Variants in PDE1A observed in about 807,000 individuals in gnomAD.
The protein encoded by PDE1A is phosphodiesterase 1A.
PDE1A carries 35 observed loss-of-function variants against 61.7 expected under a neutral mutation model. That is an observed-to-expected ratio of 0.57 (90% CI 0.43 to 0.75). The LOEUF (loss-of-function observed/expected upper bound fraction) is 0.75. Ranked by LOEUF, PDE1A falls within the 30% of genes least tolerant of loss-of-function variation. PDE1A has a pLI of 0.00. For missense variants in PDE1A, 597 were observed against 630.6 expected (o/e 0.95, Z 0.57); for synonymous variants, 232 against 213.2 (o/e 1.09, Z -0.77).
intron 1 of PDE1A, among the ~76,000 whole-genome samples, chr2:182,311,544 CT>C (rs1695974287): frequency 6.6e-6 from 1 of 152,138 alleles, no homozygotes; most frequent in Non-Finnish European, 1.5e-5. Flanking sequence ...TTTTGCTTTT[CT>C]AAAATGTCAT....
chr2:182,648,701 T>G, the PDE1A span, among the ~76,000 whole-genome samples: 2 of 143,198 alleles, frequency 1.4e-5, no homozygotes, highest in African/African-American at 2.6e-5. Flanking sequence ...CCCTGTCTCT[T>G]TAAAAAAAAA....
At chr2:182,412,768 T>C (rs1702691705) in intron 1 of PDE1A, among the ~76,000 whole-genome samples, 1 of 152,216 alleles carries the variant, frequency 6.6e-6, no homozygotes, top group Non-Finnish European at 1.5e-5. Flanking sequence ...GATTATTCTC[T>C]AATTCTATGG....
intron 1 of PDE1A, among the ~76,000 whole-genome samples, chr2:182,420,212 T>C (rs1173539830): frequency 6.6e-6 from 1 of 152,040 alleles, no homozygotes; most frequent in Non-Finnish European, 1.5e-5. Context: ...GTTTTCTGTT[T>C]TGTTTTGTTT....
At chr2:182,439,963 C>A (rs762205548) in intron 2 of PDE1A, among the ~76,000 whole-genome samples, 4 of 152,026 alleles carry the variant, frequency 2.6e-5, no homozygotes, top group Admixed American at 2.0e-4. Flanking sequence ...AGGAACACAA[C>A]AGAAATATAA....
chr2:182,289,756 A>G (rs560895517), intron 1 of PDE1A, among the ~76,000 whole-genome samples: 1 of 152,218 alleles, frequency 6.6e-6, no homozygotes, highest in African/African-American at 2.4e-5. Context: ...TAAAATTCTC[A>G]TCTTCTCTTT....
At chr2:182,685,037 A>G in the PDE1A span, among the ~76,000 whole-genome samples, 1 of 151,002 alleles carries the variant, frequency 6.6e-6, no homozygotes, top group East Asian at 1.9e-4. Flanking sequence ...CATTTTAATA[A>G]TAGCAGCACT....
the PDE1A span, among the ~76,000 whole-genome samples, chr2:182,563,278 G>A: frequency 3.3e-5 from 5 of 151,876 alleles, no homozygotes; most frequent in African/African-American, 1.2e-4. Context: ...TTGGTTTCAA[G>A]GAACATCTTT....
chr2:182,165,434 G>A (rs1691606788), downstream of PDE1A, among the ~76,000 whole-genome samples: 1 of 152,240 alleles, frequency 6.6e-6, no homozygotes, highest in Admixed American at 6.5e-5. Flanking sequence ...GTTGGCTAGG[G>A]TGATTCATCT....
chr2:182,287,635 AAAGAC>A (rs1369276814), intron 1 of PDE1A, among the ~76,000 whole-genome samples: 8 of 152,124 alleles, frequency 5.3e-5, no homozygotes, highest in African/African-American at 1.9e-4. Context: ...CTGAGCTGAA[AAAGAC>A]AAGACAAGTT....
chr2:182,345,475 C>T (rs1398779115), intron 1 of PDE1A, among the ~76,000 whole-genome samples: 1 of 152,194 alleles, frequency 6.6e-6, no homozygotes, highest in East Asian at 1.9e-4. Flanking sequence ...CTGCCAAAAA[C>T]CATCCATGTT....
At chr2:182,525,358 A>C (rs1690763051), upstream of PDE1A, among the ~76,000 whole-genome samples, 1 of 152,180 alleles carries the variant, frequency 6.6e-6, no homozygotes, top group African/African-American at 2.4e-5. Context: ...TAGAAACTAC[A>C]TCCTTATTTA....
At chr2:182,237,997 G>C (rs1007165899) in intron 3 of PDE1A, among the ~76,000 whole-genome samples, 1 of 151,994 alleles carries the variant, frequency 6.6e-6, no homozygotes, top group Non-Finnish European at 1.5e-5. Context: ...GGCTGGGCAC[G>C]GTGGCTCACG....
intron 4 of PDE1A, among the ~76,000 whole-genome samples, chr2:182,231,891 G>A (rs1689611672): frequency 6.6e-6 from 1 of 151,988 alleles, no homozygotes; most frequent in South Asian, 2.1e-4. Context: ...CTCCAGCCTG[G>A]GTGACAGAGT....
intron 2 of PDE1A, among the ~76,000 whole-genome samples, chr2:182,515,304 T>C (rs975512023): frequency 2.0e-5 from 3 of 152,236 alleles, no homozygotes; most frequent in African/African-American, 7.2e-5. Flanking sequence ...CTTCTGTGTC[T>C]AACATTGTAC....
At chr2:182,626,850 T>C in the PDE1A span, among the ~76,000 whole-genome samples, 135 of 23,732 alleles carry the variant, frequency 5.7e-3, no homozygotes, top group Non-Finnish European at 9.8e-3. Context: ...TATATATACA[T>C]ATATATATAC....
intron 2 of PDE1A, among the ~76,000 whole-genome samples, chr2:182,445,554 C>T (rs1446196573): frequency 6.6e-6 from 1 of 151,706 alleles, no homozygotes; most frequent in Non-Finnish European, 1.5e-5. Context: ...TATTTTATGC[C>T]AATAAAAATT....
intron 13 of PDE1A, among the ~76,000 whole-genome samples, chr2:182,184,716 A>G (rs76901012): frequency 0.015 from 2,248 of 152,278 alleles, 31 homozygotes; most frequent in South Asian, 0.057. Context: ...CCATCTGTCA[A>G]GTTCTGCAGG....
chr2:182,248,207 G>T (rs1306550616), intron 2 of PDE1A, among the ~76,000 whole-genome samples: 1 of 142,280 alleles, frequency 7.0e-6, no homozygotes, highest in Non-Finnish European at 1.5e-5. Context: ...AGTGAGCCAA[G>T]ATCACACCAC....
intron 13 of PDE1A, among the ~76,000 whole-genome samples, chr2:182,182,339 A>G (rs1684833805): frequency 6.6e-6 from 1 of 152,186 alleles, no homozygotes; most frequent in African/African-American, 2.4e-5. Flanking sequence ...CTGTATATCC[A>G]GAATCCAATC....
Sources: gnomAD v4.1 joint callset for allele counts (sites outside exome capture counted in the v4.1 genomes callset) on GRCh38, gnomAD v4.1.1 for gene constraint, MANE v1.5 for transcripts, NCBI Gene and HGNC (gene_info 2026-07-23, HGNC 2026-07-21) for gene names.